Variants in CNTNAP5 observed in about 807,000 individuals in gnomAD.
The protein encoded by CNTNAP5 is contactin associated protein family member 5.
In CNTNAP5, 72 loss-of-function variants were observed where a neutral mutation model predicts 150.2. That is an observed-to-expected ratio of 0.48 (90% confidence interval 0.40 to 0.58). CNTNAP5 has a LOEUF of 0.58. CNTNAP5 is among the 20% of genes least tolerant of loss of function. The pLI is 0.00. For synonymous variants in CNTNAP5, 672 were observed against 619.8 expected, an observed-to-expected ratio of 1.08 and a Z score of -1.25; for missense variants, 1,636 against 1,626.2, an observed-to-expected ratio of 1.01 and a Z score of -0.10.
At chr2:124,606,061 A>C (rs1245705766) in intron 11 of CNTNAP5, among the ~76,000 whole-genome samples, 2 of 152,110 alleles carry the variant, frequency 1.3e-5, no homozygotes. Flanking sequence ...GTAAATTTGG[A>C]GTTAAATTAG....
At chr2:124,633,886 C>G (rs1449829059) in intron 12 of CNTNAP5, among the ~76,000 whole-genome samples, 3 of 152,162 alleles carry the variant, frequency 2.0e-5, no homozygotes, top group East Asian at 1.9e-4. Context: ...GCAGCTCAAG[C>G]TATATCTGGG....
intron 3 of CNTNAP5, among the ~76,000 whole-genome samples, chr2:124,249,484 A>G (rs1420635338): frequency 2.6e-5 from 4 of 152,172 alleles, no homozygotes; most frequent in Non-Finnish European, 5.9e-5. Context: ...CTTAACCTGA[A>G]CATTCCTTTC....
intron 3 of CNTNAP5, among the ~76,000 whole-genome samples, chr2:124,325,087 T>G (rs1190455506): frequency 1.3e-5 from 2 of 152,128 alleles, no homozygotes; most frequent in Admixed American, 6.5e-5. Context: ...AATGTGATGG[T>G]TTTAAGAGGT....
intron 12 of CNTNAP5, among the ~76,000 whole-genome samples, chr2:124,628,139 A>G (rs1677769664): frequency 6.6e-6 from 1 of 152,194 alleles, no homozygotes; most frequent in Admixed American, 6.5e-5. Context: ...TGTAAAACAC[A>G]CTTCAGTGTA....
At chr2:124,094,456 C>T (rs937156236) in intron 1 of CNTNAP5, among the ~76,000 whole-genome samples, 1 of 152,152 alleles carries the variant, frequency 6.6e-6, no homozygotes, top group Non-Finnish European at 1.5e-5. Flanking sequence ...GAGGCCATCA[C>T]CCACATTGCA....
chr2:124,478,325 T>C (rs760842462), intron 7 of CNTNAP5, among the ~76,000 whole-genome samples: 42 of 152,300 alleles, frequency 2.8e-4, no homozygotes, highest in Non-Finnish European at 4.6e-4. Flanking sequence ...GGCAGTATTG[T>C]TAATATGAGG....
intron 12 of CNTNAP5, among the ~76,000 whole-genome samples, chr2:124,637,106 A>G (rs1277926404): frequency 6.6e-6 from 1 of 152,206 alleles, no homozygotes; most frequent in East Asian, 1.9e-4. Flanking sequence ...TATCCAATAT[A>G]TAGTCCATGC....
chr2:124,548,361 T>A (rs1251925005), intron 10 of CNTNAP5, among the ~76,000 whole-genome samples: 3 of 152,168 alleles, frequency 2.0e-5, no homozygotes, highest in Non-Finnish European at 4.4e-5. Context: ...TGGCTTAGGA[T>A]CTCTCTGCCT....
chr2:124,268,149 T>G (rs916834487), intron 3 of CNTNAP5, among the ~76,000 whole-genome samples: 2 of 152,196 alleles, frequency 1.3e-5, no homozygotes, highest in African/African-American at 4.8e-5. Context: ...TGTGACTGTC[T>G]GCACTGGTTT....
chr2:124,615,965 G>T (rs1251675484), intron 12 of CNTNAP5, among the ~76,000 whole-genome samples: 2 of 152,096 alleles, frequency 1.3e-5, no homozygotes, highest in African/African-American at 2.4e-5. Context: ...GTTGTTTATG[G>T]ACAGGAGTTC....
rs869162372 is a variant in CNTNAP5, at chr2:124,713,243, CTCTTTCTT to C, written c.2078-33933_2078-33926del. Among the ~76,000 whole-genome samples the C allele has an allele frequency of 2.1e-4, 14 of 65,194 alleles. No homozygotes were observed. In the South Asian group the frequency reaches 2.4e-3, roughly 11 times the overall value. The allele number at this position is 65,194 out of a possible 152,430, so 42.8% of individuals were successfully genotyped here. A position where few individuals can be genotyped will look rare whatever the true frequency, so the allele number is the denominator to read the frequency against. On this transcript the variant is annotated intron_variant, in intron 13 of 23. Transcript: ENST00000682447. ...TGTTTCTTTCTTTCTTTCTTTCTTT[CTCTTTCTT>C]TCTTTCTTTCTTTCTTTCTTTCTTT... is the stretch of plus-strand genomic sequence containing the variant.
rs561126864 is a variant in CNTNAP5, at chr2:124,670,234, TTTCTTTTC to T, written c.2077+22279_2077+22286del. ...CTTTCCCTCTTTCTTTCTTTCTTTCTTTCTTTTCTTTCTTTCTTTCTTAAGAGTTATGT... is the reference window on the plus strand; with the variant it reads ...CTTTCCCTCTTTCTTTCTTTCTTTCTTTTCTTTCTTTCTTAAGAGTTATGT... On this transcript the variant is annotated intron_variant, in intron 13 of 23. Transcript: ENST00000682447. Among the ~76,000 whole-genome samples the T allele has an allele frequency of 6.8e-3, 991 of 146,234 alleles. 7 individuals carry two copies. Among genetic ancestry groups the T allele is most frequent in the African/African-American group, 0.024 (925 of 38,994 alleles).
intron 18 of CNTNAP5, among the ~76,000 whole-genome samples, chr2:124,796,317 T>C (rs1474357766): frequency 2.0e-5 from 3 of 152,206 alleles, no homozygotes; most frequent in East Asian, 1.9e-4. Flanking sequence ...TTTACTTCCA[T>C]TTAAGCACAC....
chr2:124,417,650 A>T (rs538178184), intron 4 of CNTNAP5, 60 bp downstream of exon 4: 1 of 1,456,758 alleles, frequency 6.9e-7, no homozygotes. Context: ...CCTACGTAAC[A>T]TCAGTTTATC....
At chr2:124,760,879 G>C (rs1485781249) in intron 14 of CNTNAP5, among the ~76,000 whole-genome samples, 1 of 152,042 alleles carries the variant, frequency 6.6e-6, no homozygotes, top group Non-Finnish European at 1.5e-5. Flanking sequence ...CAACAATATT[G>C]AATTATTGTT....
At chr2:124,625,515 C>A (rs1351653065) in intron 12 of CNTNAP5, among the ~76,000 whole-genome samples, 1 of 151,534 alleles carries the variant, frequency 6.6e-6, no homozygotes, top group East Asian at 1.9e-4. Context: ...CCTGAAGATA[C>A]TGGACTTTGG....
chr2:124,348,410 G>T (rs1188318645), intron 3 of CNTNAP5, among the ~76,000 whole-genome samples: 1 of 152,056 alleles, frequency 6.6e-6, no homozygotes, highest in East Asian at 1.9e-4. Context: ...TAAACTTAGG[G>T]AAAAAACTTT....
intron 3 of CNTNAP5, among the ~76,000 whole-genome samples, chr2:124,341,807 T>G (rs1351578554): frequency 2.0e-5 from 3 of 152,172 alleles, no homozygotes; most frequent in African/African-American, 7.2e-5. Flanking sequence ...GATTGTAGTT[T>G]GCGTGTTATG....
intron 3 of CNTNAP5, among the ~76,000 whole-genome samples, chr2:124,348,719 C>T (rs1689799872): frequency 6.6e-6 from 1 of 151,988 alleles, no homozygotes. Flanking sequence ...TCATTTTGGA[C>T]ATAATATTGT....
Sources: allele counts gnomAD v4.1 joint callset (sites outside exome capture counted in the v4.1 genomes callset), GRCh38; gene constraint gnomAD v4.1.1; transcripts MANE v1.5; gene names NCBI Gene and HGNC (gene_info 2026-07-23, HGNC 2026-07-21).